Variants in PPIP5K2 observed in about 807,000 individuals in gnomAD.
PPIP5K2 encodes the protein diphosphoinositol pentakisphosphate kinase 2.
A neutral mutation model predicts 154.6 loss-of-function variants in PPIP5K2; 105 were observed. That is an observed-to-expected ratio of 0.68 (90% CI 0.58 to 0.80). The LOEUF is 0.80. PPIP5K2 is among the 30% of genes least tolerant of loss of function. PPIP5K2 has a pLI of 0.00. For synonymous variants in PPIP5K2, 480 were observed against 490.3 expected, an observed-to-expected ratio of 0.98 and a Z score of 0.28; for missense variants, 992 against 1,504.6, an observed-to-expected ratio of 0.66 and a Z score of 5.64.
In PPIP5K2 at chr5:103,158,542, G is replaced by A. The variant is rs1795753281; in HGVS notation, c.1706G>A (p.Arg569Gln). The A allele has an allele frequency of 3.7e-6, 6 of 1,606,416 alleles. No individual in the cohort carries two copies. The highest frequency in any genetic ancestry group is 2.2e-5 in the East Asian group (1 of 44,806). ...AAAATATATGCCTCTGATGAAGGAC[G>A]AGTCCAGATGACTGCAGCTGCTTTT... ...DLKIYASDEG[R>Q]VQMTAAAFAK... is the part of the protein sequence containing the mutation. Residue 569 changes from arginine to glutamine, a missense_variant, in exon 16 of 31, where the codon CGA (arginine) becomes CAA (glutamine). This residue lies in a region of PPIP5K2 where 22 missense variants were observed against 95.5 expected (regional missense o/e 0.23). Transcript: ENST00000358359.
In PPIP5K2 at chr5:103,153,866, C is replaced by T; in HGVS notation, c.1149C>T (p.Val383=). ...TSGTMMELRC[V]IAVIRHGDRT... Reference sequence around the variant, plus strand: ...ATTTTAGGATGGAACTTAGATGTGTCATAGCTGTTATACGTCATGGGGATC... The same window carrying T: ...ATTTTAGGATGGAACTTAGATGTGTTATAGCTGTTATACGTCATGGGGATC... Residue 383 remains valine (V), a synonymous_variant, in exon 11 of 31, where the codon GTC becomes GTT. Coordinates refer to ENST00000358359, the MANE Select transcript of PPIP5K2 (RefSeq NM_001276277.3). 6.2e-7 allele frequency: 1 copy of T among 1,604,052 alleles called. No homozygotes were observed. Among genetic ancestry groups the T allele is most frequent in the South Asian group, 1.1e-5 (1 of 89,374 alleles).
At position 103,190,771 on chromosome 5, in the gene PPIP5K2, C is replaced by T. The variant is rs77508481; in HGVS notation, c.3353-71C>T. ...AAACTGTCCAGTTCTAAGCAGTAGTCTTCCTTTCTAATTACTGATTTTTAA... is the reference window on the plus strand; with the variant it reads ...AAACTGTCCAGTTCTAAGCAGTAGTTTTCCTTTCTAATTACTGATTTTTAA... On this transcript the variant is annotated intron_variant, in intron 28 of 30. Coordinates refer to ENST00000358359, the MANE Select transcript of PPIP5K2 (RefSeq NM_001276277.3). 1,458 of 1,393,790 alleles carry T rather than the reference C, an allele frequency of 1.0e-3. 16 individuals carry two copies. The African/African-American group carries it at 0.017, about 17-fold the overall frequency. The allele number at this position is 1,393,790 out of a possible 1,614,324, so 86.3% of individuals were successfully genotyped here. A position where few individuals can be genotyped will look rare whatever the true frequency, so the allele number is the denominator to read the frequency against.
chr5:103,183,176 C>CTT lies in PPIP5K2; in HGVS notation c.2923-22_2923-21dup, dbSNP rs781952635. On this transcript the variant is annotated intron_variant, in intron 24 of 30. Transcript: ENST00000358359. ...GTTGTATCTAACTTTGCATGCTCTG[C>CTT]TTTTTTTTTTTTTTTTTTTTTTTTT... 2.0e-5 allele frequency: 11 copies of CTT among 539,208 alleles called. 3 individuals carry two copies. Among genetic ancestry groups the CTT allele is most frequent in the African/African-American group, 1.3e-4 (2 of 15,312 alleles). The allele number at this position is 539,208 out of a possible 1,614,324, so 33.4% of individuals were successfully genotyped here. A position where few individuals can be genotyped will look rare whatever the true frequency, so the allele number is the denominator to read the frequency against.
rs75063108 is a variant in PPIP5K2 at position 103,125,900 on chromosome 5, A to T, written c.-284-3406A>T. On this transcript the variant is annotated intron_variant, in intron 1 of 30. Coordinates refer to ENST00000358359, the MANE Select transcript of PPIP5K2 (RefSeq NM_001276277.3). ...CGCCTGCCTCAGCTTCCCTAAATGC[A>T]GTGCAATCACATTTAACAAATTGAA... is the stretch of plus-strand genomic sequence containing the variant. Among the ~76,000 whole-genome samples the T allele has an allele frequency of 6.7e-3, 1,026 of 152,244 alleles. 7 individuals carry two copies. Among genetic ancestry groups the T allele is most frequent in the Non-Finnish European group, 0.013 (854 of 67,990 alleles).
intron 19 of PPIP5K2, among the ~76,000 whole-genome samples, chr5:103,172,120 A>G (rs1798064834): frequency 1.3e-5 from 2 of 151,690 alleles, no homozygotes; most frequent in Non-Finnish European, 3.0e-5. Context: ...GCTAATAACA[A>G]ATTTAAAAAA....
intron 19 of PPIP5K2, among the ~76,000 whole-genome samples, chr5:103,172,949 A>G (rs936383493): frequency 1.3e-5 from 2 of 151,760 alleles, no homozygotes; most frequent in African/African-American, 2.4e-5. Context: ...GCTTTTGTTC[A>G]GTTCCACCAC....
chr5:103,186,967 C>T (rs573061452), intron 27 of PPIP5K2, among the ~76,000 whole-genome samples: 7 of 152,186 alleles, frequency 4.6e-5, no homozygotes, highest in Admixed American at 2.0e-4. Flanking sequence ...CTCATGGAAG[C>T]GTGTCCCTTT....
At chr5:103,198,809 T>G (rs1554229365) in intron 30 of PPIP5K2, among the ~76,000 whole-genome samples, 1 of 152,168 alleles carries the variant, frequency 6.6e-6, no homozygotes, top group Non-Finnish European at 1.5e-5. Flanking sequence ...TTGAGGTTAG[T>G]CTACTACTTT....
intron 5 of PPIP5K2, among the ~76,000 whole-genome samples, chr5:103,145,697 C>T (rs1793640640): frequency 6.6e-6 from 1 of 151,866 alleles, no homozygotes; most frequent in Non-Finnish European, 1.5e-5. Context: ...ACTCTTAGAG[C>T]TTGAGCATAG....
chr5:103,124,333 C>G (rs113133735), intron 1 of PPIP5K2, among the ~76,000 whole-genome samples: 2 of 150,910 alleles, frequency 1.3e-5, no homozygotes, highest in African/African-American at 4.9e-5. Flanking sequence ...ACTTAGGTGA[C>G]AGAAATGTAT....
chr5:103,194,754 G>T (rs1801795104), intron 29 of PPIP5K2, 146 bp from the exon 30 acceptor site: 1 of 764,676 alleles, frequency 1.3e-6, no homozygotes. Context: ...ATTAAAAAAA[G>T]GTGATTTTGC....
At chr5:103,190,459 A>C (rs1342087358) in intron 28 of PPIP5K2, among the ~76,000 whole-genome samples, 10 of 152,034 alleles carry the variant, frequency 6.6e-5, no homozygotes, top group Non-Finnish European at 1.2e-4. Context: ...GCGTCCTGGC[A>C]TCAGGGATAC....
chr5:103,120,644 C>A, intron 1 of PPIP5K2, 156 bp downstream of exon 1: 1 of 369,650 alleles, frequency 2.7e-6, no homozygotes, highest in Non-Finnish European at 5.6e-6. Context: ...ACAGCCTGGG[C>A]GTGGAGTGAC....
chr5:103,146,805 A>G, intron 6 of PPIP5K2, 124 bp downstream of exon 6: 1 of 786,604 alleles, frequency 1.3e-6, no homozygotes, highest in Non-Finnish European at 1.8e-6. Flanking sequence ...TTTAGAGGTA[A>G]ATTTATGAAA....
chr5:103,145,003 T>A (rs1465060513), intron 5 of PPIP5K2, among the ~76,000 whole-genome samples: 1 of 151,930 alleles, frequency 6.6e-6, no homozygotes, highest in Non-Finnish European at 1.5e-5. Context: ...ATTTGTAAAC[T>A]ACCCATTTGA....
intron 17 of PPIP5K2, among the ~76,000 whole-genome samples, chr5:103,161,166 G>A (rs1251642187): frequency 6.9e-6 from 1 of 144,132 alleles, no homozygotes; most frequent in Non-Finnish European, 1.5e-5. Flanking sequence ...GTGTCCAAGT[G>A]TTCTCATTGT....
At chr5:103,186,148 T>C (rs1554224882) in intron 26 of PPIP5K2, among the ~76,000 whole-genome samples, 172 bp from the exon 27 acceptor site, 1 of 152,154 alleles carries the variant, frequency 6.6e-6, no homozygotes, top group African/African-American at 2.4e-5. Flanking sequence ...TTAGAAGTAT[T>C]GTATTAAAAC....
chr5:103,130,632 C>G (rs1368901939), intron 2 of PPIP5K2, among the ~76,000 whole-genome samples: 1 of 152,160 alleles, frequency 6.6e-6, no homozygotes, highest in Non-Finnish European at 1.5e-5. Flanking sequence ...ACCTTTGCTA[C>G]CTCCTGCCCC....
rs1790997673 is a variant in PPIP5K2, at chr5:103,133,580, A to T, written c.242A>T (p.Glu81Val). The T allele has an allele frequency of 6.2e-7, 1 of 1,612,462 alleles. No individual in the cohort carries two copies. Among genetic ancestry groups the T allele is most frequent in the Non-Finnish European group, 8.5e-7 (1 of 1,179,392 alleles). The change falls in exon 3 of 31, where the codon GAG becomes GTG. Residue 81 changes from glutamate to valine, a missense_variant. Around this residue, in one of 9 missense-constraint regions of PPIP5K2, gnomAD observed 153 missense variants for 200.4 expected, o/e 0.76. Coordinates refer to ENST00000358359, the MANE Select transcript of PPIP5K2 (RefSeq NM_001276277.3). ...ATCACAGTAGTAGTATTTGAAGAGG[A>T]GGTTATTTTGAATGAACCAGTGGAA... ...KYITVVVFEE[E>V]VILNEPVENW... is the part of the protein sequence containing the mutation.
Sources: allele counts gnomAD v4.1 joint callset (sites outside exome capture counted in the v4.1 genomes callset), GRCh38; gene constraint gnomAD v4.1.1; regional missense constraint gnomAD v4.1.1; transcripts MANE v1.5; gene names NCBI Gene and HGNC (gene_info 2026-07-23, HGNC 2026-07-21).